GRIK1: variants seen among roughly 807,000 people sequenced by gnomAD.
GRIK1 encodes the protein glutamate ionotropic receptor kainate type subunit 1.
In GRIK1, 69 loss-of-function variants were observed where a neutral mutation model predicts 105.7. The ratio of observed to expected loss-of-function variants is 0.65; its 90% confidence interval spans 0.54 to 0.80. The LOEUF is 0.80. Ranked by LOEUF, GRIK1 falls within the 30% of genes least tolerant of loss-of-function variation. GRIK1 has a pLI of 0.00. For missense variants in GRIK1, 1,109 were observed against 1,167.3 expected, an observed-to-expected ratio of 0.95 and a Z score of 0.73; for synonymous variants, 438 against 431.3, an observed-to-expected ratio of 1.02 and a Z score of -0.19.
intron 13 of GRIK1, among the ~76,000 whole-genome samples, chr21:29,579,003 G>A (rs1313216953): frequency 6.6e-6 from 1 of 152,000 alleles, no homozygotes; most frequent in Non-Finnish European, 1.5e-5. Context: ...GAAAACATAA[G>A]GTTTTCACTT....
At chr21:29,639,196 G>C (rs2062459186) in intron 7 of GRIK1, among the ~76,000 whole-genome samples, 1 of 152,200 alleles carries the variant, frequency 6.6e-6, no homozygotes, top group African/African-American at 2.4e-5. Context: ...TATAGATTGT[G>C]TGTGTTCTTC....
At chr21:29,908,789 T>C (rs894335142) in intron 1 of GRIK1, among the ~76,000 whole-genome samples, 1 of 152,200 alleles carries the variant, frequency 6.6e-6, no homozygotes, top group Non-Finnish European at 1.5e-5. Context: ...CAAATGAGTA[T>C]AGAAACTTCA....
intron 1 of GRIK1, among the ~76,000 whole-genome samples, chr21:29,780,259 T>C (rs928292037): frequency 3.3e-5 from 5 of 152,224 alleles, no homozygotes; most frequent in Non-Finnish European, 7.3e-5. Flanking sequence ...CGTTCCCCTT[T>C]TCAGCCATGT....
chr21:29,586,856 T>G (rs2091140616), intron 12 of GRIK1, among the ~76,000 whole-genome samples: 1 of 152,226 alleles, frequency 6.6e-6, no homozygotes, highest in Non-Finnish European at 1.5e-5. Flanking sequence ...CTCTTTAACT[T>G]TCTCATGCCT....
intron 1 of GRIK1, among the ~76,000 whole-genome samples, chr21:29,696,467 T>C (rs1336380391): frequency 6.6e-6 from 1 of 152,210 alleles, no homozygotes; most frequent in Non-Finnish European, 1.5e-5. Context: ...TGGAGTTGAT[T>C]TTCAGTTTCT....
At chr21:29,577,276 A>G in intron 13 of GRIK1, 95 bp from the exon 14 acceptor site, 1 of 701,378 alleles carries the variant, frequency 1.4e-6, no homozygotes, top group East Asian at 2.5e-5. Context: ...TCAACCTGTA[A>G]AAGACTTACC....
At chr21:29,596,607 A>C in intron 8 of GRIK1, 37 bp from the exon 9 acceptor site, 1 of 1,495,852 alleles carries the variant, frequency 6.7e-7, no homozygotes, top group East Asian at 2.3e-5. Flanking sequence ...TAAAAACAGC[A>C]CTTAATTAAA....
chr21:29,907,006 A>C (rs770469955), intron 1 of GRIK1, among the ~76,000 whole-genome samples: 2 of 150,648 alleles, frequency 1.3e-5, no homozygotes, highest in Non-Finnish European at 2.9e-5. Flanking sequence ...TCTCTCTTTG[A>C]GATGAATCAA....
chr21:29,560,368 C>CTCTTTCTTT (rs1568813696), intron 15 of GRIK1, among the ~76,000 whole-genome samples: 1 of 20,734 alleles, frequency 4.8e-5, no homozygotes, highest in Admixed American at 6.3e-4. Flanking sequence ...TTTCTTTCTT[C>CTCTTTCTTT]CTTCCTTCCT....
intron 1 of GRIK1, among the ~76,000 whole-genome samples, chr21:29,747,658 G>A (rs1050361380): frequency 5.9e-5 from 9 of 152,086 alleles, no homozygotes; most frequent in African/African-American, 7.2e-5. Flanking sequence ...GTGAAACCCC[G>A]TCTCTACTAA....
intron 14 of GRIK1, among the ~76,000 whole-genome samples, chr21:29,565,766 C>T (rs1186589093): frequency 6.6e-6 from 1 of 152,164 alleles, no homozygotes; most frequent in Non-Finnish European, 1.5e-5. Context: ...TAGGCAACTG[C>T]AAGGAGTATG....
At chr21:29,598,998 T>A (rs998024163) in intron 7 of GRIK1, 61 bp from the exon 8 acceptor site, 24 of 764,404 alleles carry the variant, frequency 3.1e-5, no homozygotes, top group Non-Finnish European at 5.2e-5. Context: ...CCTGAGACCA[T>A]CAAAATTATA....
At chr21:29,581,136 T>C (rs1434103480) in intron 13 of GRIK1, among the ~76,000 whole-genome samples, 4 of 152,184 alleles carry the variant, frequency 2.6e-5, no homozygotes, top group African/African-American at 7.2e-5. Flanking sequence ...CATCTCCATC[T>C]ATGCAAATTT....
chr21:29,575,158 A>G (rs2090859480), intron 14 of GRIK1, among the ~76,000 whole-genome samples: 1 of 152,230 alleles, frequency 6.6e-6, no homozygotes, highest in Non-Finnish European at 1.5e-5. Context: ...ATTAAACATT[A>G]TAACTTATTG....
chr21:29,654,967 G>A (rs41275632), intron 4 of GRIK1, 104 bp from the exon 5 acceptor site: 42 of 793,914 alleles, frequency 5.3e-5, no homozygotes, highest in Non-Finnish European at 8.6e-5. Flanking sequence ...AACAGGAAGG[G>A]ACTTTGGAAA....
At chr21:29,931,801 T>C (rs139228151) in intron 1 of GRIK1, among the ~76,000 whole-genome samples, 3 of 152,288 alleles carry the variant, frequency 2.0e-5, no homozygotes, top group Non-Finnish European at 2.9e-5. Flanking sequence ...CATGTATAGG[T>C]TGAGTTTTAA....
At chr21:29,569,178 A>G (rs2090681324) in intron 14 of GRIK1, among the ~76,000 whole-genome samples, 1 of 152,242 alleles carries the variant, frequency 6.6e-6, no homozygotes, top group Non-Finnish European at 1.5e-5. Context: ...AACAGAGACC[A>G]AACCAAAATA....
intron 1 of GRIK1, among the ~76,000 whole-genome samples, chr21:29,809,765 T>C (rs1365866772): frequency 1.3e-5 from 2 of 152,192 alleles, no homozygotes; most frequent in African/African-American, 4.8e-5. Context: ...TTTCTAGCTC[T>C]TGATTTTAAG....
At chr21:29,641,438 C>T (rs1427075365) in intron 7 of GRIK1, among the ~76,000 whole-genome samples, 5 of 152,174 alleles carry the variant, frequency 3.3e-5, no homozygotes, top group Admixed American at 2.6e-4. Flanking sequence ...TCCTCAGCCA[C>T]GTGGAACTGT....
Sources: allele counts gnomAD v4.1 joint callset (sites outside exome capture counted in the v4.1 genomes callset), GRCh38; gene constraint gnomAD v4.1.1; transcripts MANE v1.5; gene names NCBI Gene and HGNC (gene_info 2026-07-23, HGNC 2026-07-21).